The following CHST9 variants were observed in gnomAD, a reference collection of about 807,000 sequenced individuals.
The protein encoded by CHST9 is GalNAc-4-sulfotransferase 2.
Under a neutral mutation model 44.4 loss-of-function variants are expected in CHST9, and 41 were observed. That is an observed-to-expected ratio of 0.92 (90% CI 0.72 to 1.20). CHST9 has a LOEUF of 1.20. Among genes scored for constraint, CHST9 ranks in the 50% most tolerant of loss-of-function variants. The pLI is 0.00. For missense variants in CHST9, 504 were observed against 516.5 expected, an observed-to-expected ratio of 0.98 and a Z score of 0.23; for synonymous variants, 171 against 178.4, an observed-to-expected ratio of 0.96 and a Z score of 0.33.
chr18:27,094,194 A>G lies in CHST9; in HGVS notation c.122-45691T>C, dbSNP rs1163976085. On this transcript the variant is annotated intron_variant, in intron 2 of 5. Transcript: ENST00000618847. ...CAACAGAATGAACTGGGGGAATCAT[A>G]ATCATAAAACACTGAGACATCTTGA... 2.6e-5 allele frequency among the ~76,000 whole-genome samples: 4 copies of G among 152,352 alleles called. No homozygotes were observed. The East Asian group carries it at 7.7e-4, about 29-fold the overall frequency.
intron 2 of CHST9, among the ~76,000 whole-genome samples, chr18:27,059,461 T>G (rs1555680441): frequency 6.6e-6 from 1 of 152,224 alleles, no homozygotes; most frequent in Non-Finnish European, 1.5e-5. Flanking sequence ...ATTAAGAGTT[T>G]TAATATTATT....
Position 26,909,778 on chromosome 18 carries a change from T to G in CHST9, c.*6481A>C, listed in dbSNP as rs942082445. On this transcript the variant is annotated 3_prime_UTR_variant, in exon 6 of 6. Coordinates refer to ENST00000618847, the MANE Select transcript of CHST9 (RefSeq NM_031422.6). ...GAAGTGGGGGGAGGAGTAGGAGGAG[T>G]AGGAGGAGGAGGAGGAAGAGGAGGG... The G allele has an allele frequency of 2.4e-3, 356 of 146,946 alleles. No homozygotes were observed. The highest frequency in any genetic ancestry group is 7.0e-3 in the South Asian group (32 of 4,574). The allele number at this position is 146,946 out of a possible 1,614,324, so 9.1% of individuals were successfully genotyped here.
rs35249332 is a variant in CHST9 at position 27,112,578 on chromosome 18, CGTGTGT to C, written c.121+30105_121+30110del. Reference sequence around the variant, plus strand: ...AGGATTTTAGATTAGGGATATTCAACGTGTGTGTGTGTGTGTGTGTGTGTGTGTGTG... The same window carrying C: ...AGGATTTTAGATTAGGGATATTCAACGTGTGTGTGTGTGTGTGTGTGTGTG... On this transcript the variant is annotated intron_variant, in intron 2 of 5. Coordinates refer to ENST00000618847, the MANE Select transcript of CHST9 (RefSeq NM_031422.6). Among the ~76,000 whole-genome samples the C allele has an allele frequency of 7.0e-3, 986 of 140,474 alleles. 7 individuals are homozygous for C. Among genetic ancestry groups the C allele is most frequent in the South Asian group, 0.02 (85 of 4,316 alleles). 92.2% of individuals were successfully genotyped at this position (140,474 alleles called of 152,430 possible).
intron 5 of CHST9, among the ~76,000 whole-genome samples, chr18:26,920,588 C>T (rs1171600194): frequency 6.6e-6 from 1 of 152,156 alleles, no homozygotes; most frequent in Non-Finnish European, 1.5e-5. Flanking sequence ...AGCACACTGC[C>T]TGGCGCATAG....
chr18:27,118,657 T>A, intron 2 of CHST9, among the ~76,000 whole-genome samples: 1 of 152,260 alleles, frequency 6.6e-6, no homozygotes, highest in East Asian at 1.9e-4. Flanking sequence ...CATTTGGCTC[T>A]GGAGAAGGCA....
At chr18:27,003,086 T>A (rs2056972622) in intron 4 of CHST9, among the ~76,000 whole-genome samples, 1 of 152,164 alleles carries the variant, frequency 6.6e-6, no homozygotes. Context: ...AAATAATAAT[T>A]GTGTGAAAAC....
At position 27,092,109 on chromosome 18, in the gene CHST9, C is replaced by T. The variant is rs112192854; in HGVS notation, c.122-43606G>A. On this transcript the variant is annotated intron_variant, in intron 2 of 5. Transcript: ENST00000618847. ...TGGTTGGTAGGCTACTAATTATTGCCTCAATTTCAGAGCCTGTTATTTGTC... is the reference window on the plus strand; with the variant it reads ...TGGTTGGTAGGCTACTAATTATTGCTTCAATTTCAGAGCCTGTTATTTGTC... Among the ~76,000 whole-genome samples, 3 of 152,242 alleles carry T rather than the reference C, an allele frequency of 2.0e-5. No homozygotes were observed. The East Asian group carries it at 5.8e-4, about 29-fold the overall frequency.
intron 1 of CHST9, among the ~76,000 whole-genome samples, chr18:27,181,675 T>A (rs1250180783): frequency 6.6e-6 from 1 of 152,224 alleles, no homozygotes; most frequent in Non-Finnish European, 1.5e-5. Flanking sequence ...CAACCTATTA[T>A]CACTTCTTAA....
Position 27,069,387 on chromosome 18 carries a change from G to C in CHST9, c.122-20884C>G, listed in dbSNP as rs530734702. 2.0e-5 allele frequency among the ~76,000 whole-genome samples: 3 copies of C among 152,210 alleles called. No homozygotes were observed. The South Asian group carries it at 6.2e-4, about 32-fold the overall frequency. ...TCCGTTTCTGTGGTTCAATAAGCCTGTGAGACAATTGCAAACATTTCTAAG... is the reference window on the plus strand; with the variant it reads ...TCCGTTTCTGTGGTTCAATAAGCCTCTGAGACAATTGCAAACATTTCTAAG... On this transcript the variant is annotated intron_variant, in intron 2 of 5. Transcript: ENST00000618847.
At chr18:27,145,257 T>A (rs1352596538) in intron 1 of CHST9, among the ~76,000 whole-genome samples, 1 of 152,194 alleles carries the variant, frequency 6.6e-6, no homozygotes, top group East Asian at 1.9e-4. Context: ...AGTGCCGCAA[T>A]CTTGGCTCGC....
Position 26,917,244 on chromosome 18 carries a change from C to A in CHST9, c.347G>T (p.Gly116Val). Residue 116 changes from glycine to valine, a missense_variant, in exon 6 of 6, where the codon GGA becomes GTA. By Grantham distance (109) the Gly-to-Val change is moderately radical (BLOSUM62 -3). Coordinates refer to ENST00000618847, the MANE Select transcript of CHST9 (RefSeq NM_031422.6). ...GGACTTACTTAAAGCTTGATCCCCTCCTTGTGAATGACTGGTCTTTGTTAA... is the reference window on the plus strand; with the variant it reads ...GGACTTACTTAAAGCTTGATCCCCTACTTGTGAATGACTGGTCTTTGTTAA... ...RLLTKTSHSQ[G>V]GDQALSKSTG... is the part of the protein sequence containing the mutation. 1 of 1,613,868 alleles carries A rather than the reference C, an allele frequency of 6.2e-7. No homozygotes were observed. The highest frequency in any genetic ancestry group is 1.1e-5 in the South Asian group (1 of 91,062).
chr18:27,041,963 T>C (rs1166274958), intron 3 of CHST9, among the ~76,000 whole-genome samples: 1 of 151,984 alleles, frequency 6.6e-6, no homozygotes, highest in African/African-American at 2.4e-5. Context: ...CCAGAGAAAA[T>C]TGGTTGCTTT....
At chr18:27,164,496 TA>T (rs1352894164) in intron 1 of CHST9, among the ~76,000 whole-genome samples, 1 of 151,896 alleles carries the variant, frequency 6.6e-6, no homozygotes, top group Non-Finnish European at 1.5e-5. Flanking sequence ...AACATCTAAG[TA>T]ATAGGAATTT....
intron 1 of CHST9, among the ~76,000 whole-genome samples, chr18:27,174,115 T>C (rs893592275): frequency 4.6e-5 from 7 of 152,014 alleles, no homozygotes; most frequent in Non-Finnish European, 7.4e-5. Flanking sequence ...ATATGAGCTA[T>C]AGCCCAAATT....
intron 4 of CHST9, among the ~76,000 whole-genome samples, chr18:26,995,327 A>G (rs1303984107): frequency 6.6e-6 from 1 of 150,698 alleles, no homozygotes; most frequent in African/African-American, 2.4e-5. Context: ...AGTCTCAGTT[A>G]CTCGGGAGGC....
At chr18:26,971,416 CAGG>C (rs2056540789) in intron 4 of CHST9, among the ~76,000 whole-genome samples, 1 of 152,238 alleles carries the variant, frequency 6.6e-6, no homozygotes, top group Non-Finnish European at 1.5e-5. Context: ...TGTCAGTACT[CAGG>C]AGGCATTCCT....
intron 1 of CHST9, 43 bp from the exon 2 acceptor site, chr18:27,142,948 T>C (rs529361448): frequency 2.8e-6 from 2 of 722,272 alleles, no homozygotes; most frequent in East Asian, 2.8e-5. Context: ...TTTCTGCTAA[T>C]ATTAATTCTC....
intron 1 of CHST9, among the ~76,000 whole-genome samples, chr18:27,177,671 T>C (rs1280065212): frequency 6.6e-6 from 1 of 151,982 alleles, no homozygotes; most frequent in East Asian, 1.9e-4. Context: ...CCATATTCTT[T>C]AGTGTTATAG....
At chr18:27,029,182 C>A (rs1426977462) in intron 3 of CHST9, among the ~76,000 whole-genome samples, 1 of 152,086 alleles carries the variant, frequency 6.6e-6, no homozygotes, top group East Asian at 1.9e-4. Context: ...ATAGAAGAAA[C>A]CACAAAGTGA....
Sources: allele counts gnomAD v4.1 joint callset (sites outside exome capture counted in the v4.1 genomes callset), GRCh38; gene constraint gnomAD v4.1.1; transcripts MANE v1.5; gene names NCBI Gene and HGNC (gene_info 2026-07-23, HGNC 2026-07-21).